The following SPATC1 variants were observed in gnomAD, a reference collection of about 807,000 sequenced individuals.
The protein encoded by SPATC1 is spermatogenesis and centriole associated 1.
Under a neutral mutation model 36.5 loss-of-function variants are expected in SPATC1, and 35 were observed. That is an observed-to-expected ratio of 0.96 (90% CI 0.73 to 1.27). The LOEUF is 1.27. Ranked by LOEUF, SPATC1 falls within the 50% of genes most tolerant of loss-of-function variation. SPATC1 has a pLI of 0.00. For missense variants in SPATC1, 779 were observed against 796.0 expected (o/e 0.98, Z 0.26); for synonymous variants, 361 against 353.6 (o/e 1.02, Z -0.24).
At chr8:144,019,033 C>T (rs1765491363) in intron 1 of SPATC1, among the ~76,000 whole-genome samples, 1 of 133,464 alleles carries the variant, frequency 7.5e-6, no homozygotes, top group Non-Finnish European at 1.5e-5. Flanking sequence ...CAGAGCGAGA[C>T]TCCGTCTCAA....
chr8:144,032,363 C>T (rs1315019650), intron 1 of SPATC1, among the ~76,000 whole-genome samples: 37 of 152,220 alleles, frequency 2.4e-4, no homozygotes, highest in Admixed American at 1.5e-3. Flanking sequence ...CTGCAATCTC[C>T]GCCTTTCGGG....
Position 144,046,645 on chromosome 8 carries a change from G to T in SPATC1, c.1465G>T (p.Asp489Tyr). 1.2e-6 allele frequency: 2 copies of T among 1,609,876 alleles called. No homozygotes were observed. The highest frequency in any genetic ancestry group is 2.2e-5 in the South Asian group (2 of 91,000). ...KIIQASLNPSDHKLDEKLCQR... is the reference protein window; with the variant it reads ...KIIQASLNPSYHKLDEKLCQR... ...CCCACAGGCTTCCCTGAACCCCAGT[G>T]ACCACAAGCTGGATGAGAAGCTGTG... The change falls in exon 5 of 5, where the codon GAC (aspartate) becomes TAC (tyrosine). Residue 489 changes from aspartate to tyrosine, a missense_variant. Transcript: ENST00000377470. This position sits in a 1 kb window ranked among gnomAD's most constrained non-coding sequence, Gnocchi z 6.6.
At chr8:144,037,827 A>G (rs1834947631) in intron 1 of SPATC1, among the ~76,000 whole-genome samples, 1 of 152,014 alleles carries the variant, frequency 6.6e-6, no homozygotes, top group African/African-American at 2.4e-5. Flanking sequence ...TTAATTAAAA[A>G]AAAAAAAAAA....
chr8:144,021,159 C>T (rs1352164867), intron 1 of SPATC1, among the ~76,000 whole-genome samples: 1 of 48,424 alleles, frequency 2.1e-5, no homozygotes, highest in Non-Finnish European at 4.1e-5. Context: ...CTTCAGTATC[C>T]TCTCCCCTCA....
chr8:144,039,816 C>A, intron 1 of SPATC1, 93 bp from the exon 2 acceptor site: 3 of 1,345,674 alleles, frequency 2.2e-6, no homozygotes, highest in Non-Finnish European at 3.1e-6. Context: ...GGCACTATGG[C>A]CAGGCCCTAC....
At chr8:144,011,533 G>A (rs1834283340), upstream of SPATC1, among the ~76,000 whole-genome samples, 1 of 152,262 alleles carries the variant, frequency 6.6e-6, no homozygotes. The surrounding 1 kb of genome is among the most constrained non-coding windows in gnomAD (Gnocchi z 4.5). Context: ...AGGTTTGAGG[G>A]AGAACAGCCA....
At position 144,017,809 on chromosome 8, in the gene SPATC1, C is replaced by A. The variant is rs978440620; in HGVS notation, c.211+5083C>A. The stretch of plus-strand genomic sequence containing the variant: ...ATTTATACTCTTGCCCACAGCCCTG[C>A]AAATGTTAGAGGTGAGCCTGGGAGA... On this transcript the variant is annotated intron_variant, in intron 1 of 4. Coordinates refer to ENST00000377470, the MANE Select transcript of SPATC1 (RefSeq NM_198572.3). Among the ~76,000 whole-genome samples, 53 of 152,266 alleles carry A rather than the reference C, an allele frequency of 3.5e-4. No homozygotes were observed. The South Asian group carries it at 0.01, about 29-fold the overall frequency.
chr8:144,041,298 T>C lies in SPATC1; in HGVS notation c.1373T>C (p.Leu458Pro), dbSNP rs782638874. The change falls in exon 4 of 5, where the codon CTG becomes CCG. Residue 458 changes from leucine (L) to proline (P), a missense_variant. Leu to Pro is a moderately conservative substitution (Grantham distance 98). Transcript: ENST00000377470. ...EIAFQLDRRI[L>P]SSIFPERVRL... is the part of the protein sequence containing the mutation. Reference sequence around the variant, plus strand: ...GCCTTCCAGCTGGACCGCAGGATCCTGTCCAGCATCTTCCCAGAGCGCGTA... The same window carrying C: ...GCCTTCCAGCTGGACCGCAGGATCCCGTCCAGCATCTTCCCAGAGCGCGTA... The C allele has an allele frequency of 1.2e-6, 2 of 1,613,248 alleles. No individual in the cohort carries two copies. The highest frequency in any genetic ancestry group is 1.7e-6 in the Non-Finnish European group (2 of 1,179,992).
rs782733302 is a variant in SPATC1 at position 144,040,243 on chromosome 8, CCT to C, written c.547_548del (p.Leu183AspfsTer50). Reference protein sequence around the residue: ...GPVAMSQSSPLIAPVMGTVAV... With the variant: ...GPVAMSQSSPXIAPVMGTVAV... The stretch of plus-strand genomic sequence containing the variant: ...CTGTGGCCATGTCCCAGAGCAGCCC[CCT>C]GATAGCCCCTGTGATGGGCACGGTG... On this transcript the variant is annotated frameshift_variant, in exon 2 of 5. Transcript: ENST00000377470. LOFTEE classifies it high-confidence loss of function. 2 of 1,612,920 alleles carry C rather than the reference CCT, an allele frequency of 1.2e-6. No individual in the cohort carries two copies. The highest frequency in any genetic ancestry group is 1.7e-6 in the Non-Finnish European group (2 of 1,179,864).
chr8:144,012,524 A>G lies in SPATC1; in HGVS notation c.9A>G (p.Leu3=). 1 of 1,551,634 alleles carries G rather than the reference A, an allele frequency of 6.4e-7. No homozygotes were observed. Among genetic ancestry groups the G allele is most frequent in the Non-Finnish European group, 8.7e-7 (1 of 1,146,972 alleles). ...TGCCACTGCCCCAGGGCATGTCTCTACTCACCAATTATGAAGGGCTTCGGC... is the reference window on the plus strand; with the variant it reads ...TGCCACTGCCCCAGGGCATGTCTCTGCTCACCAATTATGAAGGGCTTCGGC... MS[L]LTNYEGLRHQ... is the part of the protein sequence containing the mutation. Residue 3 remains leucine, a synonymous_variant, in exon 1 of 5, where the codon CTA becomes CTG. Transcript: ENST00000377470.
At chr8:144,028,741 G>T (rs1217982087) in intron 1 of SPATC1, among the ~76,000 whole-genome samples, 4 of 152,212 alleles carry the variant, frequency 2.6e-5, no homozygotes, top group African/African-American at 9.6e-5. Context: ...CTATTATGAA[G>T]AATTCATGCA....
In SPATC1 at chr8:144,040,819, G is replaced by A. The variant is rs782325616; in HGVS notation, c.1018G>A (p.Ala340Thr). 3.2e-5 allele frequency: 40 copies of A among 1,237,990 alleles called. 1 individual carries two copies. The Admixed American group carries it at 4.8e-4, about 15-fold the overall frequency. 76.7% of individuals were successfully genotyped at this position (1,237,990 alleles called of 1,614,324 possible). ...PTVTVLASAP[A>T]LAPQVATSYT... Reference sequence around the variant, plus strand: ...GGTCACCGTCCTTGCCTCTGCCCCCGCCCTTGCCCCCCAGGTTGCCACCAG... The same window carrying A: ...GGTCACCGTCCTTGCCTCTGCCCCCACCCTTGCCCCCCAGGTTGCCACCAG... The change falls in exon 3 of 5, where the codon GCC becomes ACC. Residue 340 changes from alanine to threonine, a missense_variant. Transcript: ENST00000377470.
intron 1 of SPATC1, among the ~76,000 whole-genome samples, chr8:144,029,261 C>T (rs1194301726): frequency 7.3e-6 from 1 of 137,790 alleles, no homozygotes; most frequent in Non-Finnish European, 1.5e-5. Context: ...TGTCTTTGCA[C>T]ACTTGCCAAA....
At chr8:144,043,780 C>T (rs1422611650) in intron 4 of SPATC1, among the ~76,000 whole-genome samples, 2 of 151,856 alleles carry the variant, frequency 1.3e-5, no homozygotes, top group Non-Finnish European at 2.9e-5. Flanking sequence ...TTGTAATGCG[C>T]CCACCCTGTG....
chr8:144,012,060 T>C (rs1215013872), upstream of SPATC1, among the ~76,000 whole-genome samples: 4 of 152,212 alleles, frequency 2.6e-5, no homozygotes, highest in Non-Finnish European at 4.4e-5. Context: ...TGCTGGACAC[T>C]GGGGTTTCCA....
Position 144,040,892 on chromosome 8 carries a change from C to T in SPATC1, c.1091C>T (p.Pro364Leu). ...TTHIAQGAPH[P>L]PSRMHNSPTQ... ...CACATCGCCCAGGGTGCCCCCCATC[C>T]CCCTTCCCGAATGCATAATTCCCCA... The change falls in exon 3 of 5, where the codon CCC (proline) becomes CTC (leucine). Residue 364 changes from proline to leucine, a missense_variant. Transcript: ENST00000377470. The T allele has an allele frequency of 6.3e-7, 1 of 1,590,074 alleles. No homozygotes were observed. Among genetic ancestry groups the T allele is most frequent in the Non-Finnish European group, 8.6e-7 (1 of 1,166,410 alleles).
chr8:144,034,916 TG>T (rs1359676135), intron 1 of SPATC1, among the ~76,000 whole-genome samples: 2 of 152,104 alleles, frequency 1.3e-5, no homozygotes, highest in Middle Eastern at 3.4e-3. Flanking sequence ...ACACTGCGCC[TG>T]GCAACTCTCA....
intron 1 of SPATC1, among the ~76,000 whole-genome samples, chr8:144,027,625 G>T (rs1284171874): frequency 2.6e-5 from 4 of 152,132 alleles, no homozygotes; most frequent in South Asian, 2.1e-4. Context: ...TTTGTATATG[G>T]TGTGAAGTAG....
At chr8:144,037,986 G>C (rs578262710) in intron 1 of SPATC1, among the ~76,000 whole-genome samples, 1 of 151,382 alleles carries the variant, frequency 6.6e-6, no homozygotes, top group South Asian at 2.1e-4. Context: ...AAAATTAGCC[G>C]GGCGAGGTGG....
Sources: gnomAD v4.1 joint callset for allele counts (sites outside exome capture counted in the v4.1 genomes callset) on GRCh38, gnomAD v4.1.1 for gene constraint, Gnocchi (gnomAD v3.1) non-coding constraint, MANE v1.5 for transcripts, NCBI Gene and HGNC (gene_info 2026-07-23, HGNC 2026-07-21) for gene names.